PDE4D: variants seen among roughly 807,000 people sequenced by gnomAD.
PDE4D encodes the protein phosphodiesterase 4D.
A neutral mutation model predicts 87.4 loss-of-function variants in PDE4D; 24 were observed. The ratio of observed to expected loss-of-function variants is 0.27; its 90% CI spans 0.20 to 0.39. The LOEUF (loss-of-function observed/expected upper bound fraction) is 0.39. Among genes scored for constraint, PDE4D ranks in the 10% least tolerant of loss-of-function variants. PDE4D has a pLI of 1.00. For synonymous variants in PDE4D, 384 were observed against 383.2 expected (o/e 1.00, Z -0.02); for missense variants, 714 against 1,041.0 (o/e 0.69, Z 4.32).
chr5:60,428,404 GA>G lies in PDE4D; in HGVS notation c.-90+59537del, dbSNP rs376178777. On this transcript the variant is annotated intron_variant, in intron 1 of 16. Coordinates refer to the PDE4D transcript ENST00000502484. The stretch of plus-strand genomic sequence containing the variant: ...GAACAAAAAACAGAAGAGATAATGA[GA>G]AAAAAAAAAAGTTTGATACCTGGTG... Among the ~76,000 whole-genome samples, 1,074 of 144,746 alleles carry G rather than the reference GA, an allele frequency of 7.4e-3. 3 individuals carry two copies. Among genetic ancestry groups the G allele is most frequent in the African/African-American group, 0.016 (630 of 39,772 alleles). The allele number at this position is 144,746 out of a possible 152,430, so 95.0% of individuals were successfully genotyped here.
intron 1 of PDE4D, among the ~76,000 whole-genome samples, chr5:60,366,838 G>A (rs1457819572): frequency 1.3e-5 from 2 of 152,180 alleles, no homozygotes; most frequent in Non-Finnish European, 2.9e-5. Context: ...ATTCAACCAG[G>A]AGATTTACCT....
intron 1 of PDE4D, among the ~76,000 whole-genome samples, chr5:59,336,791 C>T (rs1339634878): frequency 2.6e-5 from 4 of 152,150 alleles, no homozygotes; most frequent in African/African-American, 4.8e-5. Flanking sequence ...CTACGGCCTT[C>T]TCCATCTTCC....
chr5:59,177,116 T>A (rs1164038361), intron 5 of PDE4D, among the ~76,000 whole-genome samples: 1 of 152,060 alleles, frequency 6.6e-6, no homozygotes. Context: ...ACCCAATATG[T>A]GTTGGTATTT....
chr5:60,154,518 T>C (rs2149448110), intron 2 of PDE4D, among the ~76,000 whole-genome samples: 1 of 152,222 alleles, frequency 6.6e-6, no homozygotes, highest in South Asian at 2.1e-4. Flanking sequence ...TTATGATCCA[T>C]CCGCCTCAGC....
At chr5:59,426,094 A>T (rs1292906669) in intron 1 of PDE4D, among the ~76,000 whole-genome samples, 1 of 152,168 alleles carries the variant, frequency 6.6e-6, no homozygotes, top group Non-Finnish European at 1.5e-5. Context: ...CTGCGCACAG[A>T]GGAAAGGCCA....
At chr5:59,516,952 T>C (rs919642290) in intron 1 of PDE4D, among the ~76,000 whole-genome samples, 5 of 126,442 alleles carry the variant, frequency 4.0e-5, no homozygotes, top group African/African-American at 1.9e-4. Context: ...GGCACACACA[T>C]AGGCACACAC....
At chr5:59,954,840 G>A (rs1026228801) in intron 3 of PDE4D, among the ~76,000 whole-genome samples, 5 of 152,240 alleles carry the variant, frequency 3.3e-5, no homozygotes, top group South Asian at 2.1e-4. Context: ...CAGTGCTGAC[G>A]ATGTAATAAG....
chr5:59,757,847 C>T (rs1294435930), intron 1 of PDE4D, among the ~76,000 whole-genome samples: 1 of 152,146 alleles, frequency 6.6e-6, no homozygotes, highest in African/African-American at 2.4e-5. Flanking sequence ...TCTCCATTGA[C>T]CCCTTTTCAC....
At chr5:59,736,673 T>C (rs1202572025) in intron 1 of PDE4D, among the ~76,000 whole-genome samples, 1 of 151,012 alleles carries the variant, frequency 6.6e-6, no homozygotes, top group African/African-American at 2.4e-5. Flanking sequence ...AGTGAGATTT[T>C]GTCTCAAAAA....
intron 2 of PDE4D, among the ~76,000 whole-genome samples, chr5:60,044,306 A>C (rs13184009): frequency 0.29 from 44,488 of 151,832 alleles, 7,301 homozygotes; most frequent in East Asian, 0.75. Context: ...ATTAAAAACA[A>C]TTTTTTAAAA....
At chr5:59,468,283 T>A (rs1801900585) in intron 1 of PDE4D, among the ~76,000 whole-genome samples, 1 of 148,158 alleles carries the variant, frequency 6.7e-6, no homozygotes, top group Non-Finnish European at 1.5e-5. Flanking sequence ...TGAATGCCAC[T>A]TAAAATTCTT....
chr5:59,928,662 A>G (rs944485019), intron 3 of PDE4D, among the ~76,000 whole-genome samples: 1 of 152,124 alleles, frequency 6.6e-6, no homozygotes, highest in African/African-American at 2.4e-5. Flanking sequence ...TTTGTCTTGC[A>G]AAAAGATGAA....
chr5:59,511,347 A>C (rs1470556984), intron 1 of PDE4D, among the ~76,000 whole-genome samples: 3 of 152,030 alleles, frequency 2.0e-5, no homozygotes, highest in African/African-American at 7.2e-5. Flanking sequence ...TGGTTTAGAA[A>C]GTAAGATAAA....
chr5:60,248,917 T>G (rs1748105180), intron 1 of PDE4D, among the ~76,000 whole-genome samples: 1 of 151,954 alleles, frequency 6.6e-6, no homozygotes. Flanking sequence ...GCAGCATACC[T>G]GATTGAGGAG....
intron 1 of PDE4D, among the ~76,000 whole-genome samples, chr5:59,582,802 T>C (rs1824410516): frequency 6.6e-6 from 1 of 152,206 alleles, no homozygotes; most frequent in Non-Finnish European, 1.5e-5. Context: ...TCACCTCATT[T>C]TGCCTCTTCA....
chr5:59,075,291 T>C (rs1359703706), intron 5 of PDE4D, among the ~76,000 whole-genome samples: 1 of 152,178 alleles, frequency 6.6e-6, no homozygotes, highest in African/African-American at 2.4e-5. Context: ...AACTTATTTC[T>C]TTGAAAAACT....
Position 59,292,460 on chromosome 5 carries a change from C to T in PDE4D, c.456-76492G>A, listed in dbSNP as rs190331244. Among the ~76,000 whole-genome samples, 14 of 152,180 alleles carry T rather than the reference C, an allele frequency of 9.2e-5. No individual in the cohort carries two copies. In the East Asian group the frequency reaches 2.5e-3, roughly 27 times the overall value. On this transcript the variant is annotated intron_variant, in intron 1 of 14. Coordinates refer to ENST00000340635, the MANE Select transcript of PDE4D (RefSeq NM_001104631.2). ...CCACAACGTAGATTATTTTTGCTATCAACAGTCTGGGAAGGGTCTTTATAA... is the reference window on the plus strand; with the variant it reads ...CCACAACGTAGATTATTTTTGCTATTAACAGTCTGGGAAGGGTCTTTATAA...
At chr5:59,801,378 TAG>T (rs1427201031) in intron 1 of PDE4D, among the ~76,000 whole-genome samples, 1 of 152,196 alleles carries the variant, frequency 6.6e-6, no homozygotes, top group Admixed American at 6.5e-5. Context: ...GGACTTACAT[TAG>T]ACTTACTGAC....
chr5:60,089,768 A>T (rs1300447411), intron 2 of PDE4D, among the ~76,000 whole-genome samples: 1 of 151,834 alleles, frequency 6.6e-6, no homozygotes, highest in Non-Finnish European at 1.5e-5. Context: ...TTGAAAAAAA[A>T]ATCAAGAAAC....
Sources: allele counts gnomAD v4.1 joint callset (sites outside exome capture counted in the v4.1 genomes callset), GRCh38; gene constraint gnomAD v4.1.1; transcripts MANE v1.5; gene names NCBI Gene and HGNC (gene_info 2026-07-23, HGNC 2026-07-21).